Variants in SPNS1 observed in about 807,000 individuals in gnomAD.
The protein encoded by SPNS1 is SPNS lysolipid transporter 1, lysophospholipid, also known as protein spinster homolog 1.
SPNS1 carries 22 observed loss-of-function variants against 50.3 expected under a neutral mutation model. The ratio of observed to expected loss-of-function variants is 0.44; its 90% CI spans 0.31 to 0.62. The LOEUF is 0.62. Ranked by LOEUF, SPNS1 falls within the 20% of genes least tolerant of loss-of-function variation. SPNS1 has a pLI of 0.07. For missense variants in SPNS1, 576 were observed against 728.6 expected, an observed-to-expected ratio of 0.79 and a Z score of 2.41; for synonymous variants, 295 against 317.4, an observed-to-expected ratio of 0.93 and a Z score of 0.75.
chr16:28,984,194 TC>T lies in SPNS1; in HGVS notation c.1493-5del. The T allele has an allele frequency of 6.4e-7, 1 of 1,550,456 alleles. No individual in the cohort carries two copies. The highest frequency in any genetic ancestry group is 1.4e-5 in the African/African-American group (1 of 73,166). On this transcript the variant is annotated splice_polypyrimidine_tract_variant and intron_variant, in intron 11 of 11. Transcript: ENST00000311008. The stretch of plus-strand genomic sequence containing the variant: ...ATCCAGCTCACCCTGGCTCTGACCC[TC>T]CCCCCTCAGGCCTGCTGCACGAAGC...
At position 28,977,874 on chromosome 16, in the gene SPNS1, C is replaced by G. The variant is rs775345211; in HGVS notation, c.308-34C>G. ...GGGTGGGAGTGGGAGGTAGGGGTACCTGGGCTGAGCTGTGACTCTCTGCTT... is the reference window on the plus strand; with the variant it reads ...GGGTGGGAGTGGGAGGTAGGGGTACGTGGGCTGAGCTGTGACTCTCTGCTT... On this transcript the variant is annotated intron_variant, in intron 2 of 11. Transcript: ENST00000311008. 6 of 1,607,584 alleles carry G rather than the reference C, an allele frequency of 3.7e-6. No homozygotes were observed. The South Asian group carries it at 5.5e-5, about 15-fold the overall frequency.
At position 28,981,320 on chromosome 16, in the gene SPNS1, C is replaced by T. The variant is rs1458635865; in HGVS notation, c.664-150C>T. 6 of 993,004 alleles carry T rather than the reference C, an allele frequency of 6.0e-6. No homozygotes were observed. Among genetic ancestry groups the T allele is most frequent in the Non-Finnish European group, 8.7e-6 (6 of 691,278 alleles). The allele number at this position is 993,004 out of a possible 1,614,324, so 61.5% of individuals were successfully genotyped here. On this transcript the variant is annotated intron_variant, in intron 5 of 11. Transcript: ENST00000311008. This position sits in a 1 kb window ranked among gnomAD's most constrained non-coding sequence, Gnocchi z 4.2. ...GTGGCCCCTAGTGGCAGCCCCCTTC[C>T]CCCAGATTGCAGGTTCGGCTTCTTG...
Position 28,981,940 on chromosome 16 carries a change from G to A in SPNS1, c.849G>A (p.Val283=). The A allele has an allele frequency of 1.2e-6, 2 of 1,614,226 alleles. No homozygotes were observed. The highest frequency in any genetic ancestry group is 1.1e-5 in the South Asian group (1 of 91,088). Residue 283 remains valine, a synonymous_variant, in exon 7 of 12, where the codon GTG becomes GTA. Coordinates refer to ENST00000311008, the MANE Select transcript of SPNS1 (RefSeq NM_032038.3). The surrounding 1 kb of genome is among the most constrained non-coding windows in gnomAD (Gnocchi z 4.2). Reference sequence around the variant, plus strand: ...TGTCTTCCCTGGGCTTCACTGCTGTGGCCTTTGTCACGGGCTCCCTGGCTC... The same window carrying A: ...TGTCTTCCCTGGGCTTCACTGCTGTAGCCTTTGTCACGGGCTCCCTGGCTC... ...FVLSSLGFTA[V]AFVTGSLALW...
At chr16:28,978,863 G>A in intron 3 of SPNS1, 1 of 359,494 alleles carries the variant, frequency 2.8e-6, no homozygotes, top group Non-Finnish European at 5.0e-6. Flanking sequence ...TACCAGGCAA[G>A]CAGGGGTTGT....
Position 28,979,444 on chromosome 16 carries a change from G to A in SPNS1, c.636G>A (p.Met212Ile). 6.2e-7 allele frequency: 1 copy of A among 1,614,124 alleles called. No homozygotes were observed. Among genetic ancestry groups the A allele is most frequent in the East Asian group, 2.2e-5 (1 of 44,870 alleles). Residue 212 changes from methionine (M) to isoleucine (I), a missense_variant, in exon 5 of 12, where the codon ATG becomes ATA. Coordinates refer to ENST00000311008, the MANE Select transcript of SPNS1 (RefSeq NM_032038.3). ...TTGCAGGCTCCAAAGTGAAGGATATGGCTGGAGACTGGCACTGGGCTCTGA... is the reference window on the plus strand; with the variant it reads ...TTGCAGGCTCCAAAGTGAAGGATATAGCTGGAGACTGGCACTGGGCTCTGA... ...GYIAGSKVKD[M>I]AGDWHWALRV...
In SPNS1 at chr16:28,981,264, G is replaced by C. The variant is rs1965541412; in HGVS notation, c.664-206G>C. Among the ~76,000 whole-genome samples, 1 of 152,218 alleles carries C rather than the reference G, an allele frequency of 6.6e-6. No homozygotes were observed. Among genetic ancestry groups the C allele is most frequent in the South Asian group, 2.1e-4 (1 of 4,836 alleles). On this transcript the variant is annotated intron_variant, in intron 5 of 11. Coordinates refer to ENST00000311008, the MANE Select transcript of SPNS1 (RefSeq NM_032038.3). The surrounding 1 kb of genome is among the most constrained non-coding windows in gnomAD (Gnocchi z 4.2). ...GGTTTCCCAAAAGAAAATTACCAAAGAGGAGACAAAGCTAGGCTTGCAAAA... is the reference window on the plus strand; with the variant it reads ...GGTTTCCCAAAAGAAAATTACCAAACAGGAGACAAAGCTAGGCTTGCAAAA...
chr16:28,978,448 G>T (rs938659204), intron 3 of SPNS1: 5 of 175,790 alleles, frequency 2.8e-5, no homozygotes, highest in African/African-American at 1.2e-4. Context: ...CACCCCTCGA[G>T]CGCTGCCACT....
chr16:28,975,766 G>A (rs1023847889), intron 2 of SPNS1, among the ~76,000 whole-genome samples: 8 of 152,338 alleles, frequency 5.3e-5, no homozygotes, highest in Admixed American at 4.6e-4. Flanking sequence ...CTTCACCCAG[G>A]TGAAGACAGA....
In SPNS1 at chr16:28,981,741, G is replaced by C. The variant is rs1389961728; in HGVS notation, c.809+126G>C. 4.7e-6 allele frequency: 7 copies of C among 1,495,488 alleles called. No homozygotes were observed. The Admixed American group carries it at 1.3e-4, about 28-fold the overall frequency. 92.6% of individuals were successfully genotyped at this position (1,495,488 alleles called of 1,614,324 possible). A position where few individuals can be genotyped will look rare whatever the true frequency, so the allele number is the denominator to read the frequency against. The stretch of plus-strand genomic sequence containing the variant: ...GTAATTCGGTCGATACTGTCCCCTT[G>C]TGGCAGCTGCTTGAATTACAGGCCC... On this transcript the variant is annotated intron_variant, in intron 6 of 11. Transcript: ENST00000311008. This position sits in a 1 kb window ranked among gnomAD's most constrained non-coding sequence, Gnocchi z 4.2.
At chr16:28,984,614 C>T, downstream of SPNS1, 3 of 611,888 alleles carry the variant, frequency 4.9e-6, no homozygotes, top group Non-Finnish European at 8.8e-6. Context: ...CCCAGGGCTC[C>T]TGAAGACTGT....
rs960413028 is a variant in SPNS1 at position 28,983,522 on chromosome 16, G to A, written c.1320+232G>A. 6.6e-6 allele frequency among the ~76,000 whole-genome samples: 1 copy of A among 152,150 alleles called. No individual in the cohort carries two copies. Among genetic ancestry groups the A allele is most frequent in the Non-Finnish European group, 1.5e-5 (1 of 68,026 alleles). Reference sequence around the variant, plus strand: ...CTTTTCTCTTTTCTTTTCTTCCTGAGACAAGACCTCACTCTGTTGCCCAGG... The same window carrying A: ...CTTTTCTCTTTTCTTTTCTTCCTGAAACAAGACCTCACTCTGTTGCCCAGG... On this transcript the variant is annotated intron_variant, in intron 10 of 11. Coordinates refer to ENST00000311008, the MANE Select transcript of SPNS1 (RefSeq NM_032038.3). The surrounding 1 kb of genome is among the most constrained non-coding windows in gnomAD (Gnocchi z 5.4).
rs1379251751 is a variant in SPNS1 at position 28,983,430 on chromosome 16, T to C, written c.1320+140T>C. The C allele has an allele frequency of 4.2e-6, 3 of 719,532 alleles. No homozygotes were observed. In the East Asian group the frequency reaches 8.1e-5, roughly 19 times the overall value. The allele number at this position is 719,532 out of a possible 1,614,324, so 44.6% of individuals were successfully genotyped here. A position where few individuals can be genotyped will look rare whatever the true frequency, so the allele number is the denominator to read the frequency against. On this transcript the variant is annotated intron_variant, in intron 10 of 11. Coordinates refer to ENST00000311008, the MANE Select transcript of SPNS1 (RefSeq NM_032038.3). The surrounding 1 kb of genome is among the most constrained non-coding windows in gnomAD (Gnocchi z 5.4). ...TCCATTGTCAACTGGAGGAGAAAGA[T>C]TTTGTCTTTGAATATTTCTACCAGT...
downstream of SPNS1, chr16:28,984,599 T>A (rs1965694554): frequency 1.6e-6 from 1 of 611,940 alleles, no homozygotes; most frequent in Non-Finnish European, 2.9e-6. Flanking sequence ...GCACCCCGTC[T>A]TCACCCCAGG....
chr16:28,982,418 TC>T lies in SPNS1; in HGVS notation c.1029del (p.Ser344AlafsTer54). 1 of 1,612,740 alleles carries T rather than the reference TC, an allele frequency of 6.2e-7. No individual in the cohort carries two copies. The highest frequency in any genetic ancestry group is 8.5e-7 in the Non-Finnish European group (1 of 1,179,208). ...CTGGGTGTGGGCCTGGGTGTGGAGA[TC>T]AGCCGCCGGCTCCGCCACTCCAACC... The part of the protein sequence containing the change: ...GVLGVGLGVE[I>X]SRRLRHSNPR... On this transcript the variant is annotated frameshift_variant, in exon 8 of 12. Transcript: ENST00000311008. LOFTEE classifies it high-confidence loss of function.
chr16:28,982,325 CA>C (rs767196662), intron 7 of SPNS1, 30 bp from the exon 8 acceptor site: 1 of 1,500,612 alleles, frequency 6.7e-7, no homozygotes, highest in Admixed American at 2.1e-5. Context: ...GGCACAGGGA[CA>C]AACCCCCCAT....
At chr16:28,975,769 A>C (rs1757871635) in intron 2 of SPNS1, among the ~76,000 whole-genome samples, 1 of 152,222 alleles carries the variant, frequency 6.6e-6, no homozygotes, top group African/African-American at 2.4e-5. Context: ...CACCCAGGTG[A>C]AGACAGACCT....
Position 28,981,632 on chromosome 16 carries a change from C to T in SPNS1, c.809+17C>T, listed in dbSNP as rs1218374225. On this transcript the variant is annotated intron_variant, in intron 6 of 11. Coordinates refer to ENST00000311008, the MANE Select transcript of SPNS1 (RefSeq NM_032038.3). The surrounding 1 kb of genome is among the most constrained non-coding windows in gnomAD (Gnocchi z 4.2). Reference sequence around the variant, plus strand: ...GGCAAGAAAGTGAGTTTATTCCCACCCTAGACCACCATCTGAGGCCCCCTG... The same window carrying T: ...GGCAAGAAAGTGAGTTTATTCCCACTCTAGACCACCATCTGAGGCCCCCTG... The T allele has an allele frequency of 1.9e-6, 3 of 1,611,482 alleles. No homozygotes were observed. The highest frequency in any genetic ancestry group is 2.5e-6 in the Non-Finnish European group (3 of 1,178,070).
intron 2 of SPNS1, among the ~76,000 whole-genome samples, chr16:28,977,350 TGA>T (rs1026356759): frequency 3.4e-5 from 5 of 147,078 alleles, no homozygotes; most frequent in African/African-American, 1.3e-4. Context: ...AAAGTAAATG[TGA>T]GAGTCAGGTA....
At chr16:28,977,421 G>A (rs1965383148) in intron 2 of SPNS1, among the ~76,000 whole-genome samples, 1 of 152,110 alleles carries the variant, frequency 6.6e-6, no homozygotes. Context: ...AAGTATCTGA[G>A]CTGGAACCTG....
Sources: gnomAD v4.1 joint callset for allele counts (sites outside exome capture counted in the v4.1 genomes callset) on GRCh38, gnomAD v4.1.1 for gene constraint, Gnocchi (gnomAD v3.1) non-coding constraint, MANE v1.5 for transcripts, NCBI Gene and HGNC (gene_info 2026-07-23, HGNC 2026-07-21) for gene names.